The following GLG1 variants were observed in gnomAD, a reference collection of about 807,000 sequenced individuals.
GLG1 encodes Golgi apparatus protein 1.
A neutral mutation model predicts 160.5 loss-of-function variants in GLG1; 38 were observed. That is an observed-to-expected ratio of 0.24 (90% CI 0.18 to 0.31). GLG1 has a LOEUF of 0.31. Ranked by LOEUF, GLG1 falls within the 10% of genes least tolerant of loss-of-function variation. GLG1 has a pLI of 1.00. For synonymous variants in GLG1, 644 were observed against 543.4 expected, an observed-to-expected ratio of 1.19 and a Z score of -2.57; for missense variants, 1,373 against 1,505.2, an observed-to-expected ratio of 0.91 and a Z score of 1.45.
At chr16:74,605,329 T>C (rs1958540790) in intron 1 of GLG1, among the ~76,000 whole-genome samples, 1 of 152,204 alleles carries the variant, frequency 6.6e-6, no homozygotes, top group South Asian at 2.1e-4. Context: ...GGCCACTTTT[T>C]GCCACTTTCC....
intron 1 of GLG1, among the ~76,000 whole-genome samples, chr16:74,595,389 T>A (rs1457139237): frequency 6.6e-6 from 1 of 151,098 alleles, no homozygotes; most frequent in African/African-American, 2.4e-5. Context: ...TACAAAAAAT[T>A]AGCCGGTCGT....
intron 11 of GLG1, 124 bp from the exon 12 acceptor site, chr16:74,477,657 C>T: frequency 1.5e-6 from 1 of 678,870 alleles, no homozygotes; most frequent in Non-Finnish European, 2.4e-6. Flanking sequence ...AATTTTATAC[C>T]TCAAATATCT....
intron 1 of GLG1, among the ~76,000 whole-genome samples, chr16:74,557,640 A>G (rs968332435): frequency 3.9e-5 from 6 of 152,230 alleles, no homozygotes; most frequent in African/African-American, 1.4e-4. Flanking sequence ...CAGGAAGCAA[A>G]GGAGGCTAAA....
chr16:74,469,022 T>C lies in GLG1; in HGVS notation c.2360A>G (p.Asp787Gly), dbSNP rs2015102309. 6.2e-7 allele frequency: 1 copy of C among 1,614,150 alleles called. No homozygotes were observed. The stretch of plus-strand genomic sequence containing the variant: ...GTGCTCCTTGGCTTCCTGCAGAGTG[T>C]CATTGCGCACGGTCGTGCTCAGGCA... ...VICLSTTVRN[D>G]TLQEAKEHRV... is the part of the protein sequence containing the mutation. Residue 787 changes from aspartate (D) to glycine (G), a missense_variant, in exon 17 of 26, where the codon GAC becomes GGC. Physicochemically the swap from Asp to Gly is moderately conservative, Grantham distance 94. Transcript: ENST00000422840.
intron 1 of GLG1, among the ~76,000 whole-genome samples, chr16:74,580,874 C>G (rs1957923214): frequency 6.6e-6 from 1 of 152,164 alleles, no homozygotes; most frequent in South Asian, 2.1e-4. Context: ...AATTTGAGAC[C>G]AGCCTGACCA....
intron 1 of GLG1, among the ~76,000 whole-genome samples, chr16:74,578,291 T>C (rs1012692986): frequency 6.6e-6 from 1 of 152,212 alleles, no homozygotes; most frequent in Admixed American, 6.5e-5. Flanking sequence ...AGCCAACTAA[T>C]GCCATCTCCT....
intron 4 of GLG1, among the ~76,000 whole-genome samples, chr16:74,502,645 G>C (rs2016448155): frequency 6.6e-6 from 1 of 150,624 alleles, no homozygotes; most frequent in Non-Finnish European, 1.5e-5. Context: ...CTGGGTTCAT[G>C]CCTTTCTTCT....
chr16:74,518,104 C>T (rs1033081322), intron 2 of GLG1, among the ~76,000 whole-genome samples: 2 of 152,112 alleles, frequency 1.3e-5, no homozygotes, highest in Admixed American at 6.6e-5. Context: ...GAATCAATAT[C>T]GTGAAAATGG....
chr16:74,452,200 T>A lies in GLG1; in HGVS notation c.*967A>T. ...CCTGACCCACTGCTCCCCACACCCA[T>A]CTTCAAGGACCCCTCCCGCCACAGT... is the stretch of plus-strand genomic sequence containing the variant. On this transcript the variant is annotated 3_prime_UTR_variant, in exon 26 of 26. Coordinates refer to ENST00000422840, the MANE Select transcript of GLG1 (RefSeq NM_001145667.2). 6.4e-7 allele frequency: 1 copy of A among 1,554,962 alleles called. No homozygotes were observed. The highest frequency in any genetic ancestry group is 8.7e-7 in the Non-Finnish European group (1 of 1,150,058).
intron 1 of GLG1, among the ~76,000 whole-genome samples, chr16:74,600,840 C>T (rs1023181713): frequency 6.6e-6 from 1 of 151,288 alleles, no homozygotes; most frequent in African/African-American, 2.4e-5. Flanking sequence ...TGTCTTATTA[C>T]ACTGCCCTAA....
chr16:74,579,073 T>G (rs1157707676), intron 1 of GLG1, among the ~76,000 whole-genome samples: 4 of 152,034 alleles, frequency 2.6e-5, no homozygotes. Flanking sequence ...AGCTGAGAAG[T>G]TAAATTCATA....
At chr16:74,572,518 A>C (rs2018858538) in intron 1 of GLG1, among the ~76,000 whole-genome samples, 1 of 147,072 alleles carries the variant, frequency 6.8e-6, no homozygotes. Flanking sequence ...GTCTCAAAAA[A>C]AAAACAAACA....
intron 25 of GLG1, among the ~76,000 whole-genome samples, chr16:74,456,061 CCAGAT>C (rs1206099356): frequency 6.6e-6 from 1 of 152,172 alleles, no homozygotes; most frequent in Non-Finnish European, 1.5e-5. Flanking sequence ...ATGTTCCAGA[CCAGAT>C]GAGTACTGGC....
chr16:74,553,583 C>T (rs1465878273), intron 1 of GLG1, among the ~76,000 whole-genome samples: 1 of 150,884 alleles, frequency 6.6e-6, no homozygotes, highest in Non-Finnish European at 1.5e-5. Flanking sequence ...CACCATTCTC[C>T]TGCCTCAGCC....
At chr16:74,530,583 G>C (rs2017501219) in intron 2 of GLG1, among the ~76,000 whole-genome samples, 1 of 151,684 alleles carries the variant, frequency 6.6e-6, no homozygotes, top group Non-Finnish European at 1.5e-5. Context: ...TGATCTATGG[G>C]CTAGAGAATG....
chr16:74,502,872 T>G (rs1297260967), intron 4 of GLG1, among the ~76,000 whole-genome samples: 3 of 150,914 alleles, frequency 2.0e-5, no homozygotes, highest in African/African-American at 7.3e-5. Context: ...GCCCGGCCAG[T>G]AATTTTTTTT....
At chr16:74,507,199 T>A (rs1343007203) in intron 3 of GLG1, among the ~76,000 whole-genome samples, 1 of 152,172 alleles carries the variant, frequency 6.6e-6, no homozygotes, top group African/African-American at 2.4e-5. Context: ...GAAGTGTCCT[T>A]GTTAATGCTA....
At chr16:74,582,330 C>G (rs1215479770) in intron 1 of GLG1, among the ~76,000 whole-genome samples, 1 of 151,926 alleles carries the variant, frequency 6.6e-6, no homozygotes, top group African/African-American at 2.4e-5. Flanking sequence ...CCATGCCCAG[C>G]TAATTTTGTA....
chr16:74,589,803 G>A (rs1320328236), intron 1 of GLG1, among the ~76,000 whole-genome samples: 1 of 152,082 alleles, frequency 6.6e-6, no homozygotes, highest in Non-Finnish European at 1.5e-5. Flanking sequence ...CGAGCACGGT[G>A]GTACACGCCT....
Sources: gnomAD v4.1 joint callset for allele counts (sites outside exome capture counted in the v4.1 genomes callset) on GRCh38, gnomAD v4.1.1 for gene constraint, MANE v1.5 for transcripts, NCBI Gene and HGNC (gene_info 2026-07-23, HGNC 2026-07-21) for gene names.